LINGO2: variants seen among roughly 807,000 people sequenced by gnomAD.
LINGO2 encodes the protein leucine-rich repeat and immunoglobulin-like domain-containing nogo receptor-interacting protein 2.
A neutral mutation model predicts 30.6 loss-of-function variants in LINGO2; 14 were observed. That is an observed-to-expected ratio of 0.46 (90% CI 0.30 to 0.72). The LOEUF (loss-of-function observed/expected upper bound fraction) is 0.72, where lower values mean the gene tolerates loss of function less well. LINGO2 is among the 30% of genes least tolerant of loss of function. The probability of loss-of-function intolerance (pLI) is 0.07; values close to 1 mark genes in which losing one functional copy is unlikely to be tolerated. For synonymous variants in LINGO2, 317 were observed against 288.5 expected, an observed-to-expected ratio of 1.10 and a Z score of -1.00; for missense variants, 729 against 751.7, an observed-to-expected ratio of 0.97 and a Z score of 0.35.
chr9:29,096,982 G>C, the LINGO2 span, among the ~76,000 whole-genome samples: 1 of 138,938 alleles, frequency 7.2e-6, no homozygotes, highest in Admixed American at 7.3e-5. Flanking sequence ...GAAAACATAA[G>C]AAAACCTTAT....
the LINGO2 span, among the ~76,000 whole-genome samples, chr9:28,698,906 G>A: frequency 6.6e-6 from 1 of 151,958 alleles, no homozygotes; most frequent in Non-Finnish European, 1.5e-5. Flanking sequence ...GCTAGATGTG[G>A]TGGTGTGCAC....
intron 2 of LINGO2, among the ~76,000 whole-genome samples, chr9:28,416,832 G>A (rs1761852157): frequency 6.6e-6 from 1 of 152,044 alleles, no homozygotes; most frequent in African/African-American, 2.4e-5. Flanking sequence ...TACAATATAG[G>A]ACAAAATCCT....
the LINGO2 span, among the ~76,000 whole-genome samples, chr9:29,044,254 T>C: frequency 6.6e-6 from 1 of 151,286 alleles, no homozygotes; most frequent in African/African-American, 2.4e-5. Context: ...AATAAATGAA[T>C]GGAGCAAATA....
intron 4 of LINGO2, among the ~76,000 whole-genome samples, chr9:28,188,457 A>G (rs12348368): frequency 0.069 from 10,430 of 152,194 alleles, 605 homozygotes; most frequent in African/African-American, 0.15. Flanking sequence ...CACGGCAATT[A>G]CAAAGATGAC....
the LINGO2 span, among the ~76,000 whole-genome samples, chr9:29,082,973 A>C: frequency 6.6e-6 from 1 of 152,168 alleles, no homozygotes; most frequent in African/African-American, 2.4e-5. Flanking sequence ...GAACACTTTT[A>C]CACTGTTGGT....
chr9:28,407,736 T>C (rs1457230068), intron 2 of LINGO2, among the ~76,000 whole-genome samples: 2 of 152,130 alleles, frequency 1.3e-5, no homozygotes, highest in Non-Finnish European at 2.9e-5. Flanking sequence ...CCTGATTTCA[T>C]TAAAATCAAC....
intron 3 of LINGO2, among the ~76,000 whole-genome samples, chr9:28,302,502 A>C (rs1260519581): frequency 2.0e-5 from 3 of 152,086 alleles, no homozygotes; most frequent in African/African-American, 4.8e-5. Flanking sequence ...AACATGGTGA[A>C]ACCCTCTCCC....
At chr9:28,742,538 T>G in the LINGO2 span, among the ~76,000 whole-genome samples, 1 of 151,914 alleles carries the variant, frequency 6.6e-6, no homozygotes, top group Non-Finnish European at 1.5e-5. Flanking sequence ...TATATTGAGT[T>G]CCCTGAAATG....
At chr9:28,021,263 A>C (rs1003482161) in intron 4 of LINGO2, among the ~76,000 whole-genome samples, 1 of 152,008 alleles carries the variant, frequency 6.6e-6, no homozygotes, top group Non-Finnish European at 1.5e-5. Context: ...TCTTTGACCC[A>C]TGTGTTATGT....
chr9:28,824,729 T>C, the LINGO2 span, among the ~76,000 whole-genome samples: 1 of 152,118 alleles, frequency 6.6e-6, no homozygotes, highest in Non-Finnish European at 1.5e-5. Context: ...ATTTCAATAT[T>C]AGATATGTGG....
At chr9:28,771,455 GTGTGT>G in the LINGO2 span, among the ~76,000 whole-genome samples, 2,113 of 67,560 alleles carry the variant, frequency 0.031, 49 homozygotes, top group African/African-American at 0.14. Flanking sequence ...CCTATTTGGT[GTGTGT>G]GTGTGTGTGT....
chr9:28,383,522 C>T (rs758782521), intron 2 of LINGO2, among the ~76,000 whole-genome samples: 4 of 151,912 alleles, frequency 2.6e-5, no homozygotes, highest in Admixed American at 6.6e-5. Context: ...TCAAACTCCT[C>T]AGGGGATCTC....
intron 5 of LINGO2, among the ~76,000 whole-genome samples, chr9:27,981,170 C>G (rs375060291): frequency 6.6e-6 from 1 of 151,718 alleles, no homozygotes; most frequent in South Asian, 2.1e-4. Flanking sequence ...TCCACTGTTT[C>G]CAAAAGCCAG....
the LINGO2 span, among the ~76,000 whole-genome samples, chr9:29,088,519 C>G: frequency 6.6e-6 from 1 of 152,148 alleles, no homozygotes. Flanking sequence ...TTGATCTCTT[C>G]CATGCCCAGT....
rs1467243682 is a variant in LINGO2 at position 28,148,841 on chromosome 9, C to T, written c.-86-136436G>A. On this transcript the variant is annotated intron_variant, in intron 4 of 5. Transcript: ENST00000379992. The surrounding 1 kb of genome is among the most constrained non-coding windows in gnomAD (Gnocchi z 5.1). The stretch of plus-strand genomic sequence containing the variant: ...CTTGAAGGTGCTGGGTAAAGACCAC[C>T]TGCCCAGCTCTCCAGGCTTGCTGAT... 1 of 1,533,564 alleles carries T rather than the reference C, an allele frequency of 6.5e-7. No individual in the cohort carries two copies. The highest frequency in any genetic ancestry group is 8.7e-7 in the Non-Finnish European group (1 of 1,146,454). 95.0% of individuals were successfully genotyped at this position (1,533,564 alleles called of 1,614,324 possible).
the LINGO2 span, among the ~76,000 whole-genome samples, chr9:29,011,626 TA>T: frequency 7.2e-5 from 11 of 152,238 alleles, no homozygotes; most frequent in African/African-American, 2.4e-4. Flanking sequence ...CATTAACATA[TA>T]AAAAGTTTAA....
chr9:28,866,703 G>A, the LINGO2 span, among the ~76,000 whole-genome samples: 151 of 152,260 alleles, frequency 9.9e-4, no homozygotes, highest in Non-Finnish European at 1.6e-3. Flanking sequence ...TGCTGTTAGT[G>A]TGAAAATCAC....
chr9:28,361,734 G>GT (rs983670886), intron 3 of LINGO2, among the ~76,000 whole-genome samples: 5 of 151,732 alleles, frequency 3.3e-5, no homozygotes, highest in Non-Finnish European at 5.9e-5. Context: ...TAATTAATAT[G>GT]TTTTTTTCCA....
chr9:28,068,594 G>A (rs1563956370), intron 4 of LINGO2, among the ~76,000 whole-genome samples: 2 of 152,092 alleles, frequency 1.3e-5, no homozygotes, highest in African/African-American at 4.8e-5. Context: ...ATACTTAGTA[G>A]TAATAACTTT....
Sources: allele counts gnomAD v4.1 joint callset (sites outside exome capture counted in the v4.1 genomes callset), GRCh38; gene constraint gnomAD v4.1.1; non-coding constraint Gnocchi (gnomAD v3.1); transcripts MANE v1.5; gene names NCBI Gene and HGNC (gene_info 2026-07-23, HGNC 2026-07-21).